The following INPP5D variants were observed in gnomAD, a reference collection of about 807,000 sequenced individuals.
INPP5D encodes phosphatidylinositol 3,4,5-trisphosphate 5-phosphatase 1.
In INPP5D, 33 loss-of-function variants were observed where a neutral mutation model predicts 122.9. The ratio of observed to expected loss-of-function variants is 0.27; its 90% CI spans 0.20 to 0.36. INPP5D has a LOEUF of 0.36. Among genes scored for constraint, INPP5D ranks in the 10% least tolerant of loss-of-function variants. INPP5D has a pLI of 1.00. For synonymous variants in INPP5D, 584 were observed against 576.2 expected (o/e 1.01, Z -0.19); for missense variants, 1,053 against 1,412.7 (o/e 0.75, Z 4.08).
intron 9 of INPP5D, among the ~76,000 whole-genome samples, chr2:233,155,118 G>C (rs1433648307): frequency 6.6e-6 from 1 of 151,940 alleles, no homozygotes; most frequent in Non-Finnish European, 1.5e-5. Context: ...AAATGAAAGT[G>C]AAAAAGGATG....
Position 233,177,115 on chromosome 2 carries a change from A to T in INPP5D, c.1990-150A>T. 2 of 999,288 alleles carry T rather than the reference A, an allele frequency of 2.0e-6. No homozygotes were observed. The highest frequency in any genetic ancestry group is 2.9e-6 in the Non-Finnish European group (2 of 694,952). 61.9% of individuals were successfully genotyped at this position (999,288 alleles called of 1,614,324 possible). A position where few individuals can be genotyped will look rare whatever the true frequency, so the allele number is the denominator to read the frequency against. ...AGTCTGGACTTGAGCCATGTGAAAA[A>T]AGTTTAAAGCCACCTACAGGGAAAT... is the stretch of plus-strand genomic sequence containing the variant. On this transcript the variant is annotated intron_variant, in intron 17 of 26. Coordinates refer to ENST00000445964, the MANE Select transcript of INPP5D (RefSeq NM_001017915.3). The surrounding 1 kb of genome is among the most constrained non-coding windows in gnomAD (Gnocchi z 4.2).
intron 1 of INPP5D, among the ~76,000 whole-genome samples, chr2:233,070,124 AT>A (rs1256166527): frequency 1.3e-5 from 2 of 152,174 alleles, no homozygotes; most frequent in Non-Finnish European, 2.9e-5. Context: ...TCTTTCGTGA[AT>A]GGTCTGTTCA....
chr2:233,150,369 T>C (rs1693890901), intron 9 of INPP5D, among the ~76,000 whole-genome samples: 1 of 152,228 alleles, frequency 6.6e-6, no homozygotes, highest in African/African-American at 2.4e-5. Context: ...TTGCTCCTCC[T>C]TTGCTTCTGC....
chr2:233,074,911 T>C (rs1418784752), intron 1 of INPP5D, among the ~76,000 whole-genome samples: 3 of 152,172 alleles, frequency 2.0e-5, no homozygotes, highest in African/African-American at 7.2e-5. Context: ...TCAGTGTTCA[T>C]TTGGCTAGGA....
intron 18 of INPP5D, among the ~76,000 whole-genome samples, chr2:233,181,722 A>T (rs1421660949): frequency 6.6e-6 from 1 of 152,090 alleles, no homozygotes; most frequent in African/African-American, 2.4e-5. Context: ...CGTGGGATGG[A>T]AAAGGTGTCC....
At position 233,125,895 on chromosome 2, in the gene INPP5D, G is replaced by A. The variant is rs763411419; in HGVS notation, c.500G>A (p.Arg167Gln). 39 of 1,613,580 alleles carry A rather than the reference G, an allele frequency of 2.4e-5. No individual in the cohort carries two copies. Among genetic ancestry groups the A allele is most frequent in the Non-Finnish European group, 3.1e-5 (36 of 1,179,804 alleles). ...RPSLSETLFQ[R>Q]LQSMDTSGLP... ...AGCCTCTCCGAGACATTGTTCCAGC[G>A]ACTGCAAAGCATGGACACCAGTGGG... is the stretch of plus-strand genomic sequence containing the variant. Residue 167 changes from arginine to glutamine, a missense_variant, in exon 4 of 27, where the codon CGA becomes CAA. Around this residue, in one of 6 missense-constraint regions of INPP5D, gnomAD observed 196 missense variants for 175.6 expected, o/e 1.12. Transcript: ENST00000445964.
intron 18 of INPP5D, 35 bp from the exon 19 acceptor site, chr2:233,182,375 C>T: frequency 6.2e-7 from 1 of 1,612,086 alleles, no homozygotes; most frequent in Non-Finnish European, 8.5e-7. Flanking sequence ...AGGGCTTCTC[C>T]TTCCCTGCTT....
Position 233,094,103 on chromosome 2 carries a change from C to A in INPP5D, c.198+14705C>A, listed in dbSNP as rs538059023. Among the ~76,000 whole-genome samples, 1,291 of 151,768 alleles carry A rather than the reference C, an allele frequency of 8.5e-3. 9 individuals carry two copies. Among genetic ancestry groups the A allele is most frequent in the Non-Finnish European group, 0.012 (837 of 67,930 alleles). ...ACTTAGAATACACCCCCTCCCCCCC[C>A]AAAAAAGAGAATGTCCTATATCTCA... On this transcript the variant is annotated intron_variant, in intron 2 of 26. Coordinates refer to ENST00000445964, the MANE Select transcript of INPP5D (RefSeq NM_001017915.3).
Position 233,163,955 on chromosome 2 carries a change from G to C in INPP5D, c.1437+52G>C, listed in dbSNP as rs148391204. The C allele has an allele frequency of 2.2e-5, 35 of 1,589,478 alleles. No homozygotes were observed. The African/African-American group carries it at 3.8e-4, about 17-fold the overall frequency. On this transcript the variant is annotated intron_variant, in intron 12 of 26. Coordinates refer to ENST00000445964, the MANE Select transcript of INPP5D (RefSeq NM_001017915.3). ...GGCTTCCGGGATAGAATCTTTGCTC[G>C]GCTGGGCTGTCTCAGAGGCAAGGGT...
chr2:233,098,933 T>C (rs1692224800), intron 2 of INPP5D, among the ~76,000 whole-genome samples: 1 of 122,134 alleles, frequency 8.2e-6, no homozygotes, highest in Non-Finnish European at 1.7e-5. Flanking sequence ...TTTGGAACTT[T>C]ATTTTTATTT....
At position 233,125,789 on chromosome 2, in the gene INPP5D, C is replaced by T; in HGVS notation, c.394C>T (p.Pro132Ser). 6.2e-7 allele frequency: 1 copy of T among 1,613,942 alleles called. No homozygotes were observed. Among genetic ancestry groups the T allele is most frequent in the South Asian group, 1.1e-5 (1 of 91,074 alleles). Residue 132 changes from proline to serine, a missense_variant, in exon 4 of 27, where the codon CCG (proline) becomes TCG (serine). Pro to Ser is a moderately conservative substitution (Grantham distance 74). This residue lies in a region of INPP5D where 196 missense variants were observed against 175.6 expected (regional missense o/e 1.12). Coordinates refer to ENST00000445964, the MANE Select transcript of INPP5D (RefSeq NM_001017915.3). ...SPPELPPRNI[P>S]LTASSCEAKE... The stretch of plus-strand genomic sequence containing the variant: ...ACCCGAGCTGCCCCCAAGAAACATC[C>T]CGCTGACTGCCAGCTCCTGTGAGGC...
intron 5 of INPP5D, among the ~76,000 whole-genome samples, chr2:233,139,400 C>G (rs1311317479): frequency 6.6e-6 from 1 of 151,764 alleles, no homozygotes; most frequent in Non-Finnish European, 1.5e-5. Flanking sequence ...CTGGGCAGCC[C>G]TAATATTTAA....
chr2:233,065,018 G>A (rs1691172977), intron 1 of INPP5D, among the ~76,000 whole-genome samples: 1 of 152,218 alleles, frequency 6.6e-6, no homozygotes, highest in African/African-American at 2.4e-5. Flanking sequence ...GCCGGCCAAG[G>A]GGCTTTATCC....
chr2:233,061,381 G>T (rs1691070360), intron 1 of INPP5D, among the ~76,000 whole-genome samples: 1 of 152,130 alleles, frequency 6.6e-6, no homozygotes, highest in Non-Finnish European at 1.5e-5. Context: ...TCTGAAGGAG[G>T]CCCTTGCCCT....
At chr2:233,175,461 C>T (rs918373376) in intron 17 of INPP5D, among the ~76,000 whole-genome samples, 3 of 151,998 alleles carry the variant, frequency 2.0e-5, no homozygotes, top group African/African-American at 4.8e-5. Context: ...CTAATGCTCA[C>T]CTTTAGGAGG....
intron 2 of INPP5D, among the ~76,000 whole-genome samples, chr2:233,099,463 C>T (rs73996024): frequency 0.011 from 1,631 of 152,316 alleles, 32 homozygotes; most frequent in African/African-American, 0.038. Context: ...ACAGCACAGA[C>T]GCCTATGTCT....
intron 13 of INPP5D, among the ~76,000 whole-genome samples, chr2:233,166,057 C>G (rs1010240701): frequency 6.6e-6 from 1 of 152,072 alleles, no homozygotes; most frequent in Non-Finnish European, 1.5e-5. Context: ...GCTGACAAAC[C>G]GCAAACTGCC....
intron 9 of INPP5D, among the ~76,000 whole-genome samples, chr2:233,154,289 T>C (rs1010531725): frequency 8.5e-5 from 13 of 152,170 alleles, no homozygotes; most frequent in Admixed American, 3.3e-4. Context: ...GCTGGGACTA[T>C]AGGCATGCAC....
chr2:233,194,001 C>A (rs963204469), intron 23 of INPP5D, 40 bp downstream of exon 23: 5 of 1,535,942 alleles, frequency 3.3e-6, no homozygotes, highest in Non-Finnish European at 4.4e-6. Flanking sequence ...CTTCAGCCCC[C>A]CACTTAGGGA....
Sources: gnomAD v4.1 joint callset for allele counts (sites outside exome capture counted in the v4.1 genomes callset) on GRCh38, gnomAD v4.1.1 for gene constraint, gnomAD v4.1.1 regional missense constraint, Gnocchi (gnomAD v3.1) non-coding constraint, MANE v1.5 for transcripts, NCBI Gene and HGNC (gene_info 2026-07-23, HGNC 2026-07-21) for gene names.